The following PRAG1 variants were observed in gnomAD, a reference collection of about 807,000 sequenced individuals.
The protein encoded by PRAG1 is inactive tyrosine-protein kinase PRAG1.
Under a neutral mutation model 95.6 loss-of-function variants are expected in PRAG1, and 110 were observed. The observed-to-expected ratio is 1.15, with a 90% CI of 0.99 to 1.35. The LOEUF (loss-of-function observed/expected upper bound fraction) is 1.35, where lower values mean the gene tolerates loss of function less well. Ranked by LOEUF, PRAG1 falls within the 40% of genes most tolerant of loss-of-function variation. The pLI is 0.00. For missense variants in PRAG1, 2,554 were observed against 1,864.7 expected, an observed-to-expected ratio of 1.37 and a Z score of -6.81; for synonymous variants, 1,052 against 819.4, an observed-to-expected ratio of 1.28 and a Z score of -4.85.
Position 8,377,942 on chromosome 8 carries a change from G to T in PRAG1, c.467C>A (p.Pro156His), listed in dbSNP as rs367851601. The change falls in exon 3 of 6, where the codon CCC (proline) becomes CAC (histidine). Residue 156 changes from proline to histidine, a missense_variant. Pro to His is a moderately conservative substitution (Grantham distance 77). Transcript: ENST00000615670. ...CAGGCCGACCATGGTGTAAGCTGGG[G>T]GACAGCGAGAATTGCCATCAGGGGA... ...STSPDGNSRCPPAYTMVGLHN... is the reference protein window; with the variant it reads ...STSPDGNSRCHPAYTMVGLHN... The T allele has an allele frequency of 1.9e-6, 3 of 1,613,996 alleles. No homozygotes were observed. The highest frequency in any genetic ancestry group is 3.3e-5 in the Admixed American group (2 of 60,018).
chr8:8,338,508 G>A (rs1799062901), intron 4 of PRAG1, among the ~76,000 whole-genome samples: 1 of 152,196 alleles, frequency 6.6e-6, no homozygotes, highest in East Asian at 1.9e-4. Context: ...AAGAAGATAA[G>A]AGCCTAGAAA....
chr8:8,377,474 C>T lies in PRAG1; in HGVS notation c.935G>A (p.Cys312Tyr). ...TGGGTGGGCAGTGGGGCCCTGGCTA[C>T]AGCACTCCTTGGGGAAGCTCGGGCC... ...KRGPSFPKEC[C>Y]SQGPTAHPSC... Residue 312 changes from cysteine (C) to tyrosine (Y), a missense_variant, in exon 3 of 6, where the codon TGT becomes TAT. Physicochemically the swap from Cys to Tyr is radical, Grantham distance 194. Transcript: ENST00000615670. The T allele has an allele frequency of 6.4e-7, 1 of 1,553,352 alleles. No homozygotes were observed. Among genetic ancestry groups the T allele is most frequent in the South Asian group, 1.2e-5 (1 of 80,354 alleles).
intron 5 of PRAG1, among the ~76,000 whole-genome samples, chr8:8,324,150 G>A (rs1333304008): frequency 1.3e-5 from 2 of 152,202 alleles, no homozygotes; most frequent in African/African-American, 4.8e-5. Context: ...GTAGCCCTCT[G>A]GTGATGCGGA....
chr8:8,318,420 C>T lies in PRAG1; in HGVS notation c.3955G>A (p.Gly1319Ser), dbSNP rs1327476103. Residue 1319 changes from glycine (G) to serine (S), a missense_variant, in exon 6 of 6, where the codon GGC becomes AGC. Physicochemically the swap from Gly to Ser is moderately conservative, Grantham distance 56 (BLOSUM62 0). Transcript: ENST00000615670. This position sits in a 1 kb window ranked among gnomAD's most constrained non-coding sequence, Gnocchi z 4.2. ...EADPIKRIRIGEAKRVLQCLL... is the reference protein window; with the variant it reads ...EADPIKRIRISEAKRVLQCLL... ...CACTGCAGCACGCGCTTGGCCTCGC[C>T]GATGCGGATACGCTTGATGGGGTCG... The T allele has an allele frequency of 4.3e-6, 7 of 1,612,932 alleles. No individual in the cohort carries two copies. The highest frequency in any genetic ancestry group is 4.5e-5 in the East Asian group (2 of 44,884).
At chr8:8,382,061 T>C (rs192004923) in intron 1 of PRAG1, among the ~76,000 whole-genome samples, 33 of 152,092 alleles carry the variant, frequency 2.2e-4, no homozygotes, top group African/African-American at 8.0e-4. Flanking sequence ...CTTGTTGCTT[T>C]AAAGGAGTAA....
intron 3 of PRAG1, among the ~76,000 whole-genome samples, chr8:8,373,146 G>C (rs892252495): frequency 2.0e-5 from 3 of 152,114 alleles, no homozygotes; most frequent in African/African-American, 7.2e-5. Context: ...ACTGGAATTG[G>C]TGCCGGATCA....
Position 8,327,984 on chromosome 8 carries a change from C to T in PRAG1, c.2798G>A (p.Ser933Asn). Residue 933 changes from serine (S) to asparagine (N), a missense_variant, in exon 5 of 6, where the codon AGC becomes AAC. Coordinates refer to ENST00000615670, the MANE Select transcript of PRAG1 (RefSeq NM_001080826.3). ...GAGACCGTGCAGCTGAAGCTGGGTGCTCCCGGTGGAGGCTTGACTGGACAC... is the reference window on the plus strand; with the variant it reads ...GAGACCGTGCAGCTGAAGCTGGGTGTTCCCGGTGGAGGCTTGACTGGACAC... ...LSVSSQASTG[S>N]TQLQLHGLLS... The T allele has an allele frequency of 6.3e-7, 1 of 1,598,152 alleles. No individual in the cohort carries two copies. Among genetic ancestry groups the T allele is most frequent in the Non-Finnish European group, 8.5e-7 (1 of 1,170,912 alleles).
intron 5 of PRAG1, among the ~76,000 whole-genome samples, chr8:8,321,173 C>T (rs1444959155): frequency 7.9e-5 from 12 of 152,194 alleles, no homozygotes; most frequent in Admixed American, 7.9e-4. Flanking sequence ...CGGTTTTGAC[C>T]TCCCAGGTTT....
rs150737128 is a variant in PRAG1 at position 8,328,248 on chromosome 8, G to A, written c.2534C>T (p.Pro845Leu). 59 of 1,614,192 alleles carry A rather than the reference G, an allele frequency of 3.7e-5. No individual in the cohort carries two copies. In the African/African-American group the frequency reaches 7.2e-4, roughly 20 times the overall value. Residue 845 changes from proline (P) to leucine (L), a missense_variant, in exon 5 of 6, where the codon CCC becomes CTC. Pro to Leu is a moderately conservative substitution (Grantham distance 98). Transcript: ENST00000615670. ...QGSPKPGTASPKLNLSHSETN... is the reference protein window; with the variant it reads ...QGSPKPGTASLKLNLSHSETN... ...TTCCGAGTGGCTTAGGTTCAGCTTGGGGCTTGCTGTTCCGGGCTTGGGGGA... is the reference window on the plus strand; with the variant it reads ...TTCCGAGTGGCTTAGGTTCAGCTTGAGGCTTGCTGTTCCGGGCTTGGGGGA...
At chr8:8,355,286 A>T (rs551317828) in intron 3 of PRAG1, among the ~76,000 whole-genome samples, 2 of 152,326 alleles carry the variant, frequency 1.3e-5, no homozygotes, top group South Asian at 4.1e-4. Context: ...ATGCAAATAT[A>T]TACCATGTTC....
intron 3 of PRAG1, among the ~76,000 whole-genome samples, chr8:8,352,774 T>C (rs1799564408): frequency 6.6e-6 from 1 of 152,254 alleles, no homozygotes; most frequent in Non-Finnish European, 1.5e-5. Flanking sequence ...GTTTGTTTTA[T>C]ATCTTGAGTT....
At chr8:8,385,416 A>G (rs1305370701) in intron 1 of PRAG1, among the ~76,000 whole-genome samples, 1 of 152,184 alleles carries the variant, frequency 6.6e-6, no homozygotes, top group Non-Finnish European at 1.5e-5. Flanking sequence ...TGCACCCACT[A>G]CAGTCGAAAC....
chr8:8,383,173 A>T (rs1458095431), intron 1 of PRAG1, among the ~76,000 whole-genome samples: 3 of 152,314 alleles, frequency 2.0e-5, no homozygotes, highest in Non-Finnish European at 4.4e-5. Context: ...AAATCATTCC[A>T]GAGTGTTTGT....
chr8:8,381,754 C>T lies in PRAG1; in HGVS notation c.-7G>A, dbSNP rs1387937398. The T allele has an allele frequency of 6.4e-7, 1 of 1,567,676 alleles. No individual in the cohort carries two copies. Among genetic ancestry groups the T allele is most frequent in the African/African-American group, 1.4e-5 (1 of 73,968 alleles). On this transcript the variant is annotated 5_prime_UTR_variant, in exon 2 of 6. Coordinates refer to ENST00000615670, the MANE Select transcript of PRAG1 (RefSeq NM_001080826.3). ...GGCAGAGGGTCTGGTGCATCTTGAG[C>T]CGACAGGGTGCTGGTTCATCTTGCG...
intron 4 of PRAG1, among the ~76,000 whole-genome samples, chr8:8,338,990 T>C (rs1799079112): frequency 1.3e-5 from 2 of 152,194 alleles, no homozygotes; most frequent in South Asian, 2.1e-4. Context: ...AAAAGCAGGC[T>C]AGATGGTGGC....
intron 3 of PRAG1, among the ~76,000 whole-genome samples, chr8:8,347,268 G>A (rs561128446): frequency 5.9e-5 from 9 of 152,188 alleles, no homozygotes; most frequent in Non-Finnish European, 7.4e-5. Flanking sequence ...GGTGTGAAGA[G>A]CCAGCTTCAG....
rs79499642 is a variant in PRAG1, at chr8:8,337,914, G to A, written c.2320+1564C>T. On this transcript the variant is annotated intron_variant, in intron 4 of 5. Coordinates refer to ENST00000615670, the MANE Select transcript of PRAG1 (RefSeq NM_001080826.3). ...AGCTCATGTCCCATTTCCCCTTGCC[G>A]GTGTCTATTGAAGCATGTCAGACTG... 9.7e-4 allele frequency among the ~76,000 whole-genome samples: 147 copies of A among 152,158 alleles called. 1 individual carries two copies. The highest frequency in any genetic ancestry group is 1.8e-3 in the Non-Finnish European group (121 of 67,996).
chr8:8,376,835 G>A lies in PRAG1; in HGVS notation c.1574C>T (p.Ser525Phe), dbSNP rs565227789. The A allele has an allele frequency of 2.5e-6, 4 of 1,612,606 alleles. No individual in the cohort carries two copies. Among genetic ancestry groups the A allele is most frequent in the Non-Finnish European group, 1.7e-6 (2 of 1,179,986 alleles). ...EETSAGQGLS[S>F]RESHAHSASE... ...GGCACTGTGAGCATGGCTTTCCCTGGAGCTCAGCCCCTGCCCAGCCGAAGT... is the reference window on the plus strand; with the variant it reads ...GGCACTGTGAGCATGGCTTTCCCTGAAGCTCAGCCCCTGCCCAGCCGAAGT... Residue 525 changes from serine to phenylalanine, a missense_variant, in exon 3 of 6, where the codon TCC becomes TTC. Coordinates refer to ENST00000615670, the MANE Select transcript of PRAG1 (RefSeq NM_001080826.3).
intron 4 of PRAG1, among the ~76,000 whole-genome samples, chr8:8,338,215 T>G (rs1374988320): frequency 2.0e-5 from 3 of 152,244 alleles, no homozygotes; most frequent in African/African-American, 7.2e-5. Flanking sequence ...ATGTACCATG[T>G]GTTTTAACCT....
Sources: allele counts gnomAD v4.1 joint callset (sites outside exome capture counted in the v4.1 genomes callset), GRCh38; gene constraint gnomAD v4.1.1; non-coding constraint Gnocchi (gnomAD v3.1); transcripts MANE v1.5; gene names NCBI Gene and HGNC (gene_info 2026-07-23, HGNC 2026-07-21).